Variants in PAFAH2 observed in about 807,000 individuals in gnomAD.
PAFAH2 encodes the protein platelet-activating factor acetylhydrolase 2, cytoplasmic.
In PAFAH2, 42 loss-of-function variants were observed where a neutral mutation model predicts 49.0. The observed-to-expected ratio is 0.86, with a 90% CI of 0.67 to 1.11. The LOEUF is 1.11. PAFAH2 is among the 50% of genes least tolerant of loss of function. The pLI, the probability that PAFAH2 is intolerant of heterozygous loss-of-function variation, is 0.00. For missense variants in PAFAH2, 503 were observed against 501.8 expected, an observed-to-expected ratio of 1.00 and a Z score of -0.02; for synonymous variants, 184 against 181.3, an observed-to-expected ratio of 1.01 and a Z score of -0.12.
chr1:25,984,677 G>C, intron 4 of PAFAH2, 149 bp from the exon 5 acceptor site: 1 of 622,994 alleles, frequency 1.6e-6, no homozygotes, highest in Non-Finnish European at 2.9e-6. Context: ...ACTTGAGAGA[G>C]AAATAAACAT....
chr1:25,966,685 G>A (rs1363147801), intron 10 of PAFAH2, among the ~76,000 whole-genome samples: 2 of 151,912 alleles, frequency 1.3e-5, no homozygotes, highest in Non-Finnish European at 1.5e-5. Flanking sequence ...TTCACTATTC[G>A]GGTGATGGGT....
chr1:25,978,279 T>A (rs2049627371), intron 7 of PAFAH2, among the ~76,000 whole-genome samples: 1 of 152,216 alleles, frequency 6.6e-6, no homozygotes. Context: ...CCTACCCCTG[T>A]CTTTTTCTAT....
At chr1:25,980,745 C>T (rs2049674576) in intron 7 of PAFAH2, among the ~76,000 whole-genome samples, 1 of 151,490 alleles carries the variant, frequency 6.6e-6, no homozygotes, top group Non-Finnish European at 1.5e-5. Context: ...CAGTTGGGTG[C>T]AGTGGCTCAC....
rs533533904 is a variant in PAFAH2 at position 25,976,869 on chromosome 1, G to T, written c.667-96C>A. The T allele has an allele frequency of 9.0e-5, 80 of 888,252 alleles. 1 individual carries two copies. In the South Asian group the frequency reaches 1.1e-3, roughly 12 times the overall value. The allele number at this position is 888,252 out of a possible 1,614,324, so 55.0% of individuals were successfully genotyped here. ...GAGGAAGAAATAGTGAGGCAATGAGGCCAAAGGCACAATACAGCAAGTGAG... is the reference window on the plus strand; with the variant it reads ...GAGGAAGAAATAGTGAGGCAATGAGTCCAAAGGCACAATACAGCAAGTGAG... On this transcript the variant is annotated intron_variant, in intron 7 of 10. Coordinates refer to ENST00000374282, the MANE Select transcript of PAFAH2 (RefSeq NM_000437.4).
chr1:25,972,826 C>T (rs2049530832), intron 9 of PAFAH2, 114 bp from the exon 10 acceptor site: 2 of 1,043,546 alleles, frequency 1.9e-6, no homozygotes, highest in African/African-American at 1.6e-5. Flanking sequence ...TTTATTTTCA[C>T]AGCAACCTTG....
chr1:25,990,717 G>A lies in PAFAH2; in HGVS notation c.90+10C>T. On this transcript the variant is annotated intron_variant, in intron 2 of 10. Transcript: ENST00000374282. ...GTGCAAACAGAAGAAAGGGAGCTGGGGACACTTACCTGGAGATTCTGACCC... is the reference window on the plus strand; with the variant it reads ...GTGCAAACAGAAGAAAGGGAGCTGGAGACACTTACCTGGAGATTCTGACCC... 1.2e-6 allele frequency: 2 copies of A among 1,609,372 alleles called. No homozygotes were observed. The highest frequency in any genetic ancestry group is 1.3e-5 in the African/African-American group (1 of 74,908).
intron 4 of PAFAH2, among the ~76,000 whole-genome samples, chr1:25,987,054 G>T (rs537120264): frequency 8.1e-4 from 122 of 150,502 alleles, no homozygotes; most frequent in Middle Eastern, 3.5e-3. Flanking sequence ...GACCAGGCTG[G>T]CTAACATGGT....
chr1:25,964,861 C>T (rs934033711), intron 10 of PAFAH2, among the ~76,000 whole-genome samples: 1 of 152,058 alleles, frequency 6.6e-6, no homozygotes, highest in African/African-American at 2.4e-5. Flanking sequence ...TTTACAGATT[C>T]AACGCAATTC....
chr1:25,963,537 G>C (rs2049372868), intron 10 of PAFAH2, among the ~76,000 whole-genome samples: 1 of 152,154 alleles, frequency 6.6e-6, no homozygotes, highest in South Asian at 2.1e-4. Flanking sequence ...ATGGAGTCTT[G>C]CTCTGTCACC....
chr1:25,982,550 A>G, intron 6 of PAFAH2, 73 bp from the exon 7 acceptor site: 1 of 1,179,152 alleles, frequency 8.5e-7, no homozygotes. Flanking sequence ...TCACGTACAG[A>G]GCCAAGGAAG....
intron 4 of PAFAH2, among the ~76,000 whole-genome samples, chr1:25,984,821 T>C (rs1055984382): frequency 6.6e-6 from 1 of 150,496 alleles, no homozygotes; most frequent in Admixed American, 6.7e-5. Context: ...GGCAGTGAAC[T>C]GGACTTCAGA....
At position 25,964,614 on chromosome 1, in the gene PAFAH2, C is replaced by G. The variant is rs570183878; in HGVS notation, c.1085-2531G>C. 7.9e-5 allele frequency among the ~76,000 whole-genome samples: 12 copies of G among 152,198 alleles called. No homozygotes were observed. In the South Asian group the frequency reaches 2.5e-3, roughly 32 times the overall value. On this transcript the variant is annotated intron_variant, in intron 10 of 10. Coordinates refer to ENST00000374282, the MANE Select transcript of PAFAH2 (RefSeq NM_000437.4). ...ACACCAATAACAATCAAGCTGAGAA[C>G]CCAATCATAAACTCAATCCCATTTG...
chr1:25,963,248 A>T (rs1489325161), intron 10 of PAFAH2, among the ~76,000 whole-genome samples: 6 of 152,232 alleles, frequency 3.9e-5, no homozygotes, highest in African/African-American at 1.4e-4. Context: ...TCATTAATTC[A>T]AAAAACAATA....
At chr1:25,992,164 C>G (rs1303208985) in intron 1 of PAFAH2, among the ~76,000 whole-genome samples, 1 of 152,122 alleles carries the variant, frequency 6.6e-6, no homozygotes, top group Admixed American at 6.6e-5. Flanking sequence ...CTCCTGGGCT[C>G]AAACAATACA....
At chr1:25,976,855 A>G in intron 7 of PAFAH2, 82 bp from the exon 8 acceptor site, 1 of 1,146,698 alleles carries the variant, frequency 8.7e-7, no homozygotes, top group Non-Finnish European at 1.3e-6. Context: ...AGGAAGAAAT[A>G]GTGAGGCAAT....
chr1:25,972,442 T>A, intron 10 of PAFAH2, 116 bp downstream of exon 10: 1 of 1,201,934 alleles, frequency 8.3e-7, no homozygotes, highest in Non-Finnish European at 1.2e-6. Flanking sequence ...TCACTCAGGT[T>A]TTCCATTTGC....
rs2049338238 is a variant in PAFAH2, at chr1:25,961,564, T to G, written c.*425A>C. On this transcript the variant is annotated 3_prime_UTR_variant, in exon 11 of 11. Coordinates refer to ENST00000374282, the MANE Select transcript of PAFAH2 (RefSeq NM_000437.4). ...GAGGTAGGAAGAGATGGTGTTGGGC[T>G]GGGCTAGAGTCTCTGAAGGTAGGGA... The G allele has an allele frequency of 6.5e-6, 1 of 154,786 alleles. No homozygotes were observed. Among genetic ancestry groups the G allele is most frequent in the African/African-American group, 2.4e-5 (1 of 41,544 alleles). The allele number at this position is 154,786 out of a possible 1,614,324, so 9.6% of individuals were successfully genotyped here.
At chr1:25,976,372 T>G (rs1444555901) in intron 8 of PAFAH2, among the ~76,000 whole-genome samples, 4 of 152,140 alleles carry the variant, frequency 2.6e-5, no homozygotes, top group African/African-American at 9.7e-5. Context: ...CTCAAACTCC[T>G]GGCTTCAAGC....
chr1:25,990,370 C>T (rs141836152), intron 2 of PAFAH2, among the ~76,000 whole-genome samples: 73 of 152,256 alleles, frequency 4.8e-4, no homozygotes, highest in Middle Eastern at 3.4e-3. Flanking sequence ...CAAAGGCACA[C>T]GCCCATGGCT....
Sources: allele counts gnomAD v4.1 joint callset (sites outside exome capture counted in the v4.1 genomes callset), GRCh38; gene constraint gnomAD v4.1.1; transcripts MANE v1.5; gene names NCBI Gene and HGNC (gene_info 2026-07-23, HGNC 2026-07-21).